The following DOK6 variants were observed in gnomAD, a reference collection of about 807,000 sequenced individuals.
DOK6 encodes the protein docking protein 6, also known as downstream of tyrosine kinase 6.
DOK6 carries 22 observed loss-of-function variants against 44.0 expected under a neutral mutation model. The observed-to-expected ratio is 0.50, with a 90% CI of 0.36 to 0.71. The LOEUF is 0.71. DOK6 is among the 30% of genes least tolerant of loss of function. The pLI, the probability that DOK6 is intolerant of heterozygous loss-of-function variation, is 0.00. For synonymous variants in DOK6, 166 were observed against 145.5 expected, an observed-to-expected ratio of 1.14 and a Z score of -1.01; for missense variants, 340 against 416.4, an observed-to-expected ratio of 0.82 and a Z score of 1.60.
rs1982393199 is a variant in DOK6 at position 69,848,166 on chromosome 18, T to G, written c.*6783T>G. 1 of 152,178 alleles carries G rather than the reference T, an allele frequency of 6.6e-6. No individual in the cohort carries two copies. Among genetic ancestry groups the G allele is most frequent in the Non-Finnish European group, 1.5e-5 (1 of 68,034 alleles). 9.4% of individuals were successfully genotyped at this position (152,178 alleles called of 1,614,324 possible). A position where few individuals can be genotyped will look rare whatever the true frequency, so the allele number is the denominator to read the frequency against. ...CCTGCAAAATCCTTATCCCTATGAA[T>G]CTCTAAAATATATTAAATAATGTGT... On this transcript the variant is annotated 3_prime_UTR_variant, in exon 8 of 8. Transcript: ENST00000382713.
rs529713534 is a variant in DOK6, at chr18:69,743,780, T to G, written c.738+4677T>G. On this transcript the variant is annotated intron_variant, in intron 6 of 7. Coordinates refer to ENST00000382713, the MANE Select transcript of DOK6 (RefSeq NM_152721.6). ...ACATTGCAAGTAATTTAAAAACATT[T>G]GTATACAAACACCCTCACAAAATGA... 4.6e-4 allele frequency among the ~76,000 whole-genome samples: 69 copies of G among 151,168 alleles called. No homozygotes were observed. The South Asian group carries it at 0.014, about 30-fold the overall frequency.
At chr18:69,531,582 C>T (rs1390281686) in intron 1 of DOK6, among the ~76,000 whole-genome samples, 1 of 151,818 alleles carries the variant, frequency 6.6e-6, no homozygotes, top group South Asian at 2.1e-4. Context: ...CTTATGAAGT[C>T]CAGACATACA....
rs1301604435 is a variant in DOK6, at chr18:69,841,948, T to TCGTGTGTGTGTG, written c.*566_*577dup. 4 of 119,888 alleles carry TCGTGTGTGTGTG rather than the reference T, an allele frequency of 3.3e-5. No homozygotes were observed. The highest frequency in any genetic ancestry group is 1.2e-4 in the African/African-American group (4 of 33,376). The allele number at this position is 119,888 out of a possible 1,614,324, so 7.4% of individuals were successfully genotyped here. On this transcript the variant is annotated 3_prime_UTR_variant, in exon 8 of 8. Coordinates refer to ENST00000382713, the MANE Select transcript of DOK6 (RefSeq NM_152721.6). The stretch of plus-strand genomic sequence containing the variant: ...ATTAAGCAGGGCCCTGTAGCTCTAC[T>TCGTGTGTGTGTG]CGTGTGTGTGTGTGCGTGTGTGTGT...
chr18:69,715,495 A>T (rs1366235859), intron 5 of DOK6, among the ~76,000 whole-genome samples: 1 of 152,244 alleles, frequency 6.6e-6, no homozygotes, highest in Non-Finnish European at 1.5e-5. Context: ...CAGACTGTAG[A>T]GGCAGAGGCA....
intron 6 of DOK6, among the ~76,000 whole-genome samples, chr18:69,755,060 G>A (rs1979310695): frequency 6.6e-6 from 1 of 152,068 alleles, no homozygotes; most frequent in Admixed American, 6.6e-5. Flanking sequence ...CCATTTTTCA[G>A]CAATAAATTA....
chr18:69,703,980 A>T (rs1284560917), intron 5 of DOK6, among the ~76,000 whole-genome samples: 2 of 152,182 alleles, frequency 1.3e-5, no homozygotes, highest in African/African-American at 4.8e-5. Context: ...TGCGGAGGAA[A>T]GACCTCAAGA....
chr18:69,794,757 A>T (rs1447389259), intron 7 of DOK6, among the ~76,000 whole-genome samples: 1 of 152,126 alleles, frequency 6.6e-6, no homozygotes, highest in Non-Finnish European at 1.5e-5. Context: ...CATCACTCAC[A>T]TTCCTACCTG....
At chr18:69,747,255 A>AATT (rs1204222522) in intron 6 of DOK6, among the ~76,000 whole-genome samples, 1 of 152,188 alleles carries the variant, frequency 6.6e-6, no homozygotes, top group African/African-American at 2.4e-5. Context: ...TCCAATTTTT[A>AATT]ATTTTTAGGC....
rs1341824087 is a variant in DOK6, at chr18:69,482,018, C to A, written c.66+80708C>A. Among the ~76,000 whole-genome samples the A allele has an allele frequency of 9.8e-5, 15 of 152,296 alleles. No homozygotes were observed. The East Asian group carries it at 2.3e-3, about 24-fold the overall frequency. On this transcript the variant is annotated intron_variant, in intron 1 of 7. Coordinates refer to ENST00000382713, the MANE Select transcript of DOK6 (RefSeq NM_152721.6). ...ATGTGTCTTTTGGCTGCATAAATGT[C>A]TTCTTTTGAGAAGTGTCTGTTCATA... is the stretch of plus-strand genomic sequence containing the variant.
chr18:69,673,230 G>GTATATATA (rs71176998), intron 3 of DOK6, among the ~76,000 whole-genome samples: 5,296 of 150,182 alleles, frequency 0.035, 140 homozygotes, highest in Admixed American at 0.055. Context: ...TTTTCTGTGT[G>GTATATATA]TATATATATA....
At chr18:69,743,065 A>T (rs1978859327) in intron 6 of DOK6, among the ~76,000 whole-genome samples, 1 of 152,334 alleles carries the variant, frequency 6.6e-6, no homozygotes, top group South Asian at 2.1e-4. Context: ...CTTGGCAGAA[A>T]AGGAGACAGC....
intron 7 of DOK6, among the ~76,000 whole-genome samples, chr18:69,802,641 T>A (rs1216019074): frequency 6.6e-6 from 1 of 152,080 alleles, no homozygotes; most frequent in Non-Finnish European, 1.5e-5. Context: ...CACTCTGAGT[T>A]CACACGAAAT....
intron 7 of DOK6, among the ~76,000 whole-genome samples, chr18:69,779,923 G>GA (rs113463267): frequency 1.3e-5 from 2 of 151,768 alleles, no homozygotes; most frequent in African/African-American, 4.8e-5. Flanking sequence ...ACAGTTTCAT[G>GA]AAAAAAATAA....
At chr18:69,456,780 G>A (rs752484824) in intron 1 of DOK6, among the ~76,000 whole-genome samples, 6 of 152,128 alleles carry the variant, frequency 3.9e-5, no homozygotes, top group Non-Finnish European at 5.9e-5. Context: ...GTGTATAAGT[G>A]TTCCCTTTTC....
At chr18:69,555,390 C>T (rs1189293870) in intron 1 of DOK6, among the ~76,000 whole-genome samples, 3 of 152,054 alleles carry the variant, frequency 2.0e-5, no homozygotes, top group South Asian at 2.1e-4. Context: ...TCTTTTTTTC[C>T]GTTAAGAAAA....
chr18:69,805,419 A>G (rs556117227), intron 7 of DOK6, among the ~76,000 whole-genome samples: 6 of 152,252 alleles, frequency 3.9e-5, no homozygotes, highest in African/African-American at 1.4e-4. Flanking sequence ...ATGGCCTGAG[A>G]TATATTAACT....
chr18:69,828,510 CAAA>C (rs1568138294), intron 7 of DOK6, among the ~76,000 whole-genome samples: 15 of 151,554 alleles, frequency 9.9e-5, no homozygotes, highest in African/African-American at 3.4e-4. Flanking sequence ...GCAACAGAAA[CAAA>C]TGAATGCTAC....
At chr18:69,550,199 C>T (rs1473298128) in intron 1 of DOK6, among the ~76,000 whole-genome samples, 1 of 143,234 alleles carries the variant, frequency 7.0e-6, no homozygotes, top group African/African-American at 2.5e-5. Flanking sequence ...AATTCTATTA[C>T]TAAGAAGCAA....
chr18:69,402,335 G>T (rs1057419648), intron 1 of DOK6, among the ~76,000 whole-genome samples: 7 of 152,206 alleles, frequency 4.6e-5, no homozygotes, highest in Non-Finnish European at 8.8e-5. Flanking sequence ...GGGTCCTTGA[G>T]CTAGAACCTT....
Sources: allele counts gnomAD v4.1 joint callset (sites outside exome capture counted in the v4.1 genomes callset), GRCh38; gene constraint gnomAD v4.1.1; transcripts MANE v1.5; gene names NCBI Gene and HGNC (gene_info 2026-07-23, HGNC 2026-07-21).